NR1H3: variants seen among roughly 807,000 people sequenced by gnomAD.
NR1H3 encodes the protein nuclear receptor subfamily 1 group H member 3.
Under a neutral mutation model 48.1 loss-of-function variants are expected in NR1H3, and 19 were observed. The observed-to-expected ratio is 0.40, with a 90% CI of 0.28 to 0.58. The LOEUF (loss-of-function observed/expected upper bound fraction) is 0.58. NR1H3 is among the 20% of genes least tolerant of loss of function. The pLI is 0.50. For synonymous variants in NR1H3, 232 were observed against 227.3 expected (o/e 1.02, Z -0.19); for missense variants, 486 against 595.9 (o/e 0.82, Z 1.92).
At chr11:47,259,586 C>T in intron 2 of NR1H3, 5 of 1,455,310 alleles carry the variant, frequency 3.4e-6, no homozygotes, top group Non-Finnish European at 4.5e-6. Context: ...GGATTAACAT[C>T]TTCATTTAAG....
chr11:47,256,349 T>G (rs1955175308), upstream of NR1H3, among the ~76,000 whole-genome samples: 1 of 152,168 alleles, frequency 6.6e-6, no homozygotes, highest in African/African-American at 2.4e-5. Flanking sequence ...TCTATTTATT[T>G]TTCAACACAC....
chr11:47,264,129 G>T (rs1363039306), intron 7 of NR1H3, among the ~76,000 whole-genome samples: 2 of 152,224 alleles, frequency 1.3e-5, no homozygotes, highest in African/African-American at 4.8e-5. Context: ...TTTGTATCAT[G>T]AGAACTGGCC....
chr11:47,253,495 C>G (rs529899782), upstream of NR1H3, among the ~76,000 whole-genome samples: 1 of 152,310 alleles, frequency 6.6e-6, no homozygotes, highest in East Asian at 1.9e-4. Context: ...GGGCAGAAGT[C>G]ACTTGAGTAG....
intron 4 of NR1H3, 66 bp from the exon 5 acceptor site, chr11:47,261,175 T>TG: frequency 4.4e-6 from 5 of 1,133,150 alleles, no homozygotes; most frequent in Non-Finnish European, 6.2e-6. Context: ...CTCCTGTCTT[T>TG]CCCCCACCCC....
chr11:47,250,567 T>G (rs1591045954), intron 1 of NR1H3: 1 of 152,236 alleles, frequency 6.6e-6, no homozygotes, highest in Non-Finnish European at 1.5e-5. Context: ...AGCCAAAGCC[T>G]GGGTAGCCAA....
Position 47,258,111 on chromosome 11 carries a change from C to A in NR1H3, c.-56C>A, listed in dbSNP as rs1354441405. On this transcript the variant is annotated 5_prime_UTR_variant, in exon 1 of 10. In the 5' UTR this introduces an upstream ATG that the reference lacks. Transcript: ENST00000441012. ...TCCAGAGACTGCCCACCCAGGAAGT[C>A]TGGTGGCCTGGGGATTTGGTGGGTC... is the stretch of plus-strand genomic sequence containing the variant. The A allele has an allele frequency of 1.0e-6, 1 of 985,280 alleles. No homozygotes were observed. Among genetic ancestry groups the A allele is most frequent in the Non-Finnish European group, 1.2e-6 (1 of 830,154 alleles). 61.0% of individuals were successfully genotyped at this position (985,280 alleles called of 1,614,324 possible). A position where few individuals can be genotyped will look rare whatever the true frequency, so the allele number is the denominator to read the frequency against.
intron 3 of NR1H3, 62 bp downstream of exon 3, chr11:47,260,041 A>G: frequency 7.3e-7 from 1 of 1,375,744 alleles, no homozygotes; most frequent in Non-Finnish European, 9.7e-7. Flanking sequence ...GATCTGGAAG[A>G]GGTTCCTTGG....
Position 47,261,509 on chromosome 11 carries a change from T to A in NR1H3, c.709-38T>A, listed in dbSNP as rs755988651. The A allele has an allele frequency of 1.9e-6, 3 of 1,610,672 alleles. No homozygotes were observed. In the African/African-American group the frequency reaches 4.0e-5, roughly 21 times the overall value. The stretch of plus-strand genomic sequence containing the variant: ...CAGATCACCAGTGGGCTTCTTGATG[T>A]CCGACTCAAAGCGCTTTGCCTTTTC... On this transcript the variant is annotated intron_variant, in intron 5 of 9. Coordinates refer to ENST00000441012, the MANE Select transcript of NR1H3 (RefSeq NM_005693.4).
rs1426702365 is a variant in NR1H3 at position 47,261,685 on chromosome 11, C to T, written c.847C>T (p.Arg283Trp). 2.5e-6 allele frequency: 4 copies of T among 1,614,162 alleles called. No homozygotes were observed. Among genetic ancestry groups the T allele is most frequent in the East Asian group, 2.2e-5 (1 of 44,886 alleles). ...KQLPGFLQLS[R>W]EDQIALLKTS... ...GCTACCCGGCTTCCTGCAGCTCAGCCGGGAGGACCAGATTGCCCTGCTGAA... is the reference window on the plus strand; with the variant it reads ...GCTACCCGGCTTCCTGCAGCTCAGCTGGGAGGACCAGATTGCCCTGCTGAA... Residue 283 changes from arginine to tryptophan, a missense_variant, in exon 6 of 10, where the codon CGG (arginine) becomes TGG (tryptophan). Coordinates refer to ENST00000441012, the MANE Select transcript of NR1H3 (RefSeq NM_005693.4).
chr11:47,258,830 A>G (rs903471809), intron 1 of NR1H3: 6 of 198,232 alleles, frequency 3.0e-5, no homozygotes, highest in African/African-American at 4.7e-5. Flanking sequence ...CCATCTCAAA[A>G]AAAAAATTAA....
chr11:47,268,084 T>C, intron 8 of NR1H3, 58 bp downstream of exon 8: 6 of 943,320 alleles, frequency 6.4e-6, no homozygotes, highest in African/African-American at 1.7e-5. Flanking sequence ...GGGCTGCAGG[T>C]CCCACAGGAA....
intron 7 of NR1H3, among the ~76,000 whole-genome samples, chr11:47,265,206 AT>A (rs1956337452): frequency 7.8e-6 from 1 of 128,086 alleles, no homozygotes; most frequent in Admixed American, 7.6e-5. Context: ...AGGCAGGAGA[AT>A]TGCTTGAACC....
intron 7 of NR1H3, among the ~76,000 whole-genome samples, chr11:47,262,617 C>A (rs910866756): frequency 1.3e-5 from 2 of 151,954 alleles, no homozygotes; most frequent in African/African-American, 4.8e-5. Flanking sequence ...CGGGTTCAAG[C>A]AATTCTCCTG....
intron 1 of NR1H3, 141 bp from the exon 2 acceptor site, chr11:47,259,039 C>G (rs1955524850): frequency 7.0e-7 from 1 of 1,424,460 alleles, no homozygotes; most frequent in East Asian, 2.4e-5. Context: ...TATAATAAAG[C>G]CTTAGTACAG....
At chr11:47,255,543 T>TTTC (rs1955011833), upstream of NR1H3, among the ~76,000 whole-genome samples, 1 of 73,722 alleles carries the variant, frequency 1.4e-5, no homozygotes, top group African/African-American at 4.0e-5. Flanking sequence ...TTCTTTCTTT[T>TTTC]TCTTTCTTTC....
At chr11:47,259,697 G>A in intron 2 of NR1H3, 94 bp from the exon 3 acceptor site, 3 of 1,587,098 alleles carry the variant, frequency 1.9e-6, no homozygotes, top group South Asian at 1.1e-5. Flanking sequence ...CCCTCTAAGG[G>A]TGGGGATAAG....
chr11:47,251,504 G>A (rs1195156765), intron 1 of NR1H3, among the ~76,000 whole-genome samples: 3 of 152,060 alleles, frequency 2.0e-5, no homozygotes, highest in East Asian at 1.9e-4. Flanking sequence ...CCCAGCTACC[G>A]GGGAGGCTGA....
At chr11:47,250,185 T>C (rs978824204) in intron 1 of NR1H3, among the ~76,000 whole-genome samples, 2 of 152,102 alleles carry the variant, frequency 1.3e-5, no homozygotes, top group African/African-American at 4.8e-5. Flanking sequence ...GGTGGGAAGA[T>C]TGCTTGAGCC....
At chr11:47,257,988 G>A, upstream of NR1H3, 2 of 985,814 alleles carry the variant, frequency 2.0e-6, no homozygotes, top group South Asian at 4.7e-5. Flanking sequence ...ACTTCTCTGG[G>A]GCTCCAGGTC....
Sources: gnomAD v4.1 joint callset for allele counts (sites outside exome capture counted in the v4.1 genomes callset) on GRCh38, gnomAD v4.1.1 for gene constraint, MANE v1.5 for transcripts, NCBI Gene and HGNC (gene_info 2026-07-23, HGNC 2026-07-21) for gene names.